Variants in GPR15LG observed in about 807,000 individuals in gnomAD.
GPR15LG encodes G protein-coupled receptor 15 ligand.
the GPR15LG span, among the ~76,000 whole-genome samples, chr10:84,178,421 C>A: frequency 2.0e-5 from 3 of 151,688 alleles, no homozygotes; most frequent in African/African-American, 7.3e-5. Context: ...AAACACATAC[C>A]ACACAACTAT....
the GPR15LG span, among the ~76,000 whole-genome samples, chr10:84,181,510 C>T: frequency 6.6e-6 from 1 of 152,334 alleles, no homozygotes; most frequent in East Asian, 1.9e-4. Context: ...ACTGCAGCCT[C>T]AAACTCCTGG....
the GPR15LG span, among the ~76,000 whole-genome samples, chr10:84,179,275 G>A: frequency 0.23 from 35,119 of 152,092 alleles, 4,422 homozygotes; most frequent in African/African-American, 0.33. Context: ...TGTCTATACA[G>A]GACTTGGCAT....
chr10:84,182,785 G>C, the GPR15LG span, among the ~76,000 whole-genome samples: 2 of 152,266 alleles, frequency 1.3e-5, no homozygotes, highest in African/African-American at 2.4e-5. Flanking sequence ...AGGGAGAATT[G>C]CAACCATATT....
At chr10:84,175,600 G>A in the GPR15LG span, among the ~76,000 whole-genome samples, 1 of 152,194 alleles carries the variant, frequency 6.6e-6, no homozygotes, top group Non-Finnish European at 1.5e-5. Flanking sequence ...GACTTCCAGG[G>A]CTCAAGCAAT....
the GPR15LG span, chr10:84,173,920 A>T: frequency 3.7e-6 from 6 of 1,610,490 alleles, no homozygotes; most frequent in Non-Finnish European, 4.2e-6. Context: ...TCTCCACAGA[A>T]GGTAGGGCAG....
the GPR15LG span, chr10:84,184,864 G>A: frequency 2.6e-6 from 4 of 1,550,318 alleles, no homozygotes; most frequent in Non-Finnish European, 3.5e-6. Flanking sequence ...TCACAGCAGT[G>A]AGCTGCAATG....
chr10:84,184,670 G>A, the GPR15LG span: 4 of 1,613,658 alleles, frequency 2.5e-6, no homozygotes, highest in Non-Finnish European at 3.4e-6. Flanking sequence ...TCTACTCATT[G>A]CTCCTCCCAG....
chr10:84,178,489 CACAG>C, the GPR15LG span, among the ~76,000 whole-genome samples: 2 of 151,976 alleles, frequency 1.3e-5, no homozygotes, highest in Admixed American at 6.6e-5. Flanking sequence ...CAACTATACA[CACAG>C]ACACACACAC....
chr10:84,176,372 C>G, the GPR15LG span: 4 of 810,286 alleles, frequency 4.9e-6, no homozygotes, highest in South Asian at 5.6e-5. Context: ...CTGGCTCATC[C>G]TGAGTTTCTC....
the GPR15LG span, among the ~76,000 whole-genome samples, chr10:84,183,685 C>G: frequency 6.6e-6 from 1 of 151,402 alleles, no homozygotes; most frequent in African/African-American, 2.4e-5. Context: ...TTCACTTTGT[C>G]ACCCAGGCTG....
chr10:84,179,675 GC>G, the GPR15LG span, among the ~76,000 whole-genome samples: 4 of 152,188 alleles, frequency 2.6e-5, no homozygotes, highest in African/African-American at 9.7e-5. Context: ...ACACACACTT[GC>G]TGAATACTGA....
At chr10:84,182,525 G>C in the GPR15LG span, among the ~76,000 whole-genome samples, 4 of 152,250 alleles carry the variant, frequency 2.6e-5, no homozygotes, top group South Asian at 8.3e-4. Context: ...GTCTCGGTTG[G>C]AACAACTAGC....
At chr10:84,181,612 C>T in the GPR15LG span, among the ~76,000 whole-genome samples, 4 of 152,000 alleles carry the variant, frequency 2.6e-5, no homozygotes, top group South Asian at 2.1e-4. Context: ...GCAAAGACAG[C>T]GTCTTACTAT....
the GPR15LG span, among the ~76,000 whole-genome samples, chr10:84,180,931 C>T: frequency 4.6e-5 from 7 of 152,342 alleles, no homozygotes; most frequent in South Asian, 2.1e-4. Context: ...CCAAAAAATA[C>T]GAAAACCAGT....
chr10:84,177,012 T>C, the GPR15LG span, among the ~76,000 whole-genome samples: 5 of 152,296 alleles, frequency 3.3e-5, no homozygotes, highest in Non-Finnish European at 5.9e-5. Context: ...GGACCAAAGC[T>C]GCCTGTGAAC....
At chr10:84,178,794 C>T in the GPR15LG span, among the ~76,000 whole-genome samples, 38,165 of 152,130 alleles carry the variant, frequency 0.25, 5,536 homozygotes, top group African/African-American at 0.4. Flanking sequence ...GGATTTCTTT[C>T]TGTGTGTATA....
the GPR15LG span, among the ~76,000 whole-genome samples, chr10:84,181,357 G>A: frequency 1.6e-3 from 240 of 151,856 alleles, 1 homozygote; most frequent in African/African-American, 5.6e-3. Flanking sequence ...GATTACAGGC[G>A]TGAGCCACCA....
At chr10:84,173,846 C>T in the GPR15LG span, 1 of 1,609,618 alleles carries the variant, frequency 6.2e-7, no homozygotes, top group Non-Finnish European at 8.5e-7. Context: ...AATCTGCCTT[C>T]TCACCATGAG....
At chr10:84,177,722 C>T in the GPR15LG span, among the ~76,000 whole-genome samples, 3 of 152,218 alleles carry the variant, frequency 2.0e-5, no homozygotes, top group African/African-American at 7.2e-5. Context: ...CTTGCTGAAC[C>T]AGTGTGAGGT....
Sources: gnomAD v4.1 joint callset for allele counts (sites outside exome capture counted in the v4.1 genomes callset) on GRCh38, gnomAD v4.1.1 for gene constraint, MANE v1.5 for transcripts, NCBI Gene and HGNC (gene_info 2026-07-23, HGNC 2026-07-21) for gene names.